DOCK1: variants seen among roughly 807,000 people sequenced by gnomAD.
DOCK1 encodes dedicator of cytokinesis protein 1.
DOCK1 carries 138 observed loss-of-function variants against 262.7 expected under a neutral mutation model. The observed-to-expected ratio is 0.53, with a 90% CI of 0.46 to 0.61. The LOEUF (loss-of-function observed/expected upper bound fraction) is 0.61. DOCK1 is among the 20% of genes least tolerant of loss of function. The probability of loss-of-function intolerance (pLI) is 0.00; values close to 1 mark genes in which losing one functional copy is unlikely to be tolerated. For synonymous variants in DOCK1, 866 were observed against 867.4 expected, an observed-to-expected ratio of 1.00 and a Z score of 0.03; for missense variants, 1,908 against 2,370.7, an observed-to-expected ratio of 0.80 and a Z score of 4.05.
chr10:127,189,732 A>T (rs1017723661), intron 27 of DOCK1, among the ~76,000 whole-genome samples: 13 of 152,240 alleles, frequency 8.5e-5, no homozygotes, highest in African/African-American at 3.1e-4. Context: ...TTAAGTTCAC[A>T]CAGTACGTTT....
chr10:127,198,578 C>T lies in DOCK1; in HGVS notation c.2848-49430C>T, dbSNP rs545132865. On this transcript the variant is annotated intron_variant, in intron 27 of 51. Coordinates refer to ENST00000623213, the MANE Select transcript of DOCK1 (RefSeq NM_001290223.2). ...CTGAGATTCGCATGATGTATAACTC[C>T]AGGAAGAAAATGGAAAGCCGTAATT... is the stretch of plus-strand genomic sequence containing the variant. 2.6e-5 allele frequency among the ~76,000 whole-genome samples: 4 copies of T among 152,276 alleles called. No individual in the cohort carries two copies. In the East Asian group the frequency reaches 7.7e-4, roughly 29 times the overall value.
intron 23 of DOCK1, among the ~76,000 whole-genome samples, chr10:127,085,301 G>T (rs549880715): frequency 6.6e-6 from 1 of 152,294 alleles, no homozygotes; most frequent in African/African-American, 2.4e-5. Flanking sequence ...AATATTCTAG[G>T]CATGGAGCTC....
intron 5 of DOCK1, among the ~76,000 whole-genome samples, chr10:126,989,775 T>G (rs906390242): frequency 5.3e-5 from 8 of 152,228 alleles, no homozygotes; most frequent in African/African-American, 1.7e-4. Flanking sequence ...CTTTGAACCG[T>G]CAATCCCATC....
intron 28 of DOCK1, among the ~76,000 whole-genome samples, chr10:127,254,988 T>C (rs1384718858): frequency 1.3e-5 from 2 of 152,126 alleles, no homozygotes; most frequent in Admixed American, 6.5e-5. Flanking sequence ...TTCTAGTGGG[T>C]GGGCACAGGG....
At chr10:127,152,133 G>A (rs994425472) in intron 27 of DOCK1, among the ~76,000 whole-genome samples, 2 of 152,126 alleles carry the variant, frequency 1.3e-5, no homozygotes, top group Non-Finnish European at 1.5e-5. Flanking sequence ...GTTAAAGACG[G>A]TATGAGCTTT....
intron 29 of DOCK1, among the ~76,000 whole-genome samples, chr10:127,280,009 C>CAT (rs10525314): frequency 0.29 from 33,116 of 113,982 alleles, 4,572 homozygotes; most frequent in Admixed American, 0.32. Flanking sequence ...AATTTTATTT[C>CAT]ATATATATAT....
intron 29 of DOCK1, among the ~76,000 whole-genome samples, chr10:127,262,469 G>T (rs2060208416): frequency 6.6e-6 from 1 of 152,114 alleles, no homozygotes; most frequent in Non-Finnish European, 1.5e-5. Flanking sequence ...GATTGGAGTT[G>T]GTCACTGATA....
chr10:127,004,764 G>GCC (rs1378202180), intron 10 of DOCK1, among the ~76,000 whole-genome samples: 4 of 14,924 alleles, frequency 2.7e-4, no homozygotes, highest in Non-Finnish European at 4.4e-4. Context: ...ACGGCCCCCT[G>GCC]CCCCGCCACC....
At chr10:127,442,815 G>T (rs184824276) in intron 49 of DOCK1, among the ~76,000 whole-genome samples, 1 of 152,218 alleles carries the variant, frequency 6.6e-6, no homozygotes, top group South Asian at 2.1e-4. Flanking sequence ...TGACCGCACG[G>T]ATGTTGCCCC....
At chr10:127,261,715 GTGCATGTGGGTGTGCGTGTGTGTA>G (rs2060135744) in intron 29 of DOCK1, among the ~76,000 whole-genome samples, 7 of 144,654 alleles carry the variant, frequency 4.8e-5, no homozygotes, top group Non-Finnish European at 7.5e-5. Context: ...CTGCATGTGT[GTGCATGTGGGTGTGCGTGTGTGTA>G]CCCGTGCTCA....
chr10:127,156,120 C>T lies in DOCK1; in HGVS notation c.2847+28356C>T, dbSNP rs55785157. On this transcript the variant is annotated intron_variant, in intron 27 of 51. Transcript: ENST00000623213. ...AAGTGTGAATTCTAAGCTTATAGAA[C>T]CTTCCTGCCCTAAACCTCAGGGGAA... Among the ~76,000 whole-genome samples, 906 of 152,344 alleles carry T rather than the reference C, an allele frequency of 5.9e-3. 7 individuals are homozygous for T. Among genetic ancestry groups the T allele is most frequent in the African/African-American group, 0.02 (850 of 41,580 alleles).
intron 27 of DOCK1, among the ~76,000 whole-genome samples, chr10:127,128,593 A>T (rs1019443800): frequency 1.3e-5 from 2 of 151,962 alleles, no homozygotes; most frequent in African/African-American, 4.8e-5. Context: ...CCCTGTGTGC[A>T]TGTATTCTCA....
chr10:127,134,732 CCTT>C (rs945908987), intron 27 of DOCK1, among the ~76,000 whole-genome samples: 78 of 152,270 alleles, frequency 5.1e-4, no homozygotes, highest in African/African-American at 1.6e-3. Context: ...AGAGGAATCC[CCTT>C]CTTCTCCCTG....
intron 1 of DOCK1, among the ~76,000 whole-genome samples, chr10:126,941,686 C>T (rs1024096798): frequency 2.0e-5 from 3 of 152,014 alleles, no homozygotes; most frequent in Non-Finnish European, 2.9e-5. Context: ...ACCCGGGAGG[C>T]GGAGCTTGCA....
chr10:126,941,594 A>G (rs1192533957), intron 1 of DOCK1, among the ~76,000 whole-genome samples: 1 of 152,102 alleles, frequency 6.6e-6, no homozygotes, highest in Non-Finnish European at 1.5e-5. Flanking sequence ...GTCTCTACTA[A>G]AAGTACAAAA....
At chr10:127,028,830 C>T (rs1355105007) in intron 16 of DOCK1, among the ~76,000 whole-genome samples, 1 of 152,092 alleles carries the variant, frequency 6.6e-6, no homozygotes, top group African/African-American at 2.4e-5. Flanking sequence ...GGTGTGTCCT[C>T]GACCAAGGCA....
intron 18 of DOCK1, among the ~76,000 whole-genome samples, chr10:127,033,236 C>T (rs9418804): frequency 0.78 from 117,968 of 152,042 alleles, 46,542 homozygotes; most frequent in South Asian, 0.87. Context: ...CCTACTCGTG[C>T]TGTGGGATAA....
intron 23 of DOCK1, among the ~76,000 whole-genome samples, chr10:127,067,347 C>T (rs2045937627): frequency 6.6e-6 from 1 of 152,188 alleles, no homozygotes; most frequent in South Asian, 2.1e-4. Flanking sequence ...TTACTACCTT[C>T]CCTTAGGATG....
chr10:127,206,617 C>T (rs1328070081), intron 27 of DOCK1, among the ~76,000 whole-genome samples: 1 of 152,174 alleles, frequency 6.6e-6, no homozygotes, highest in Non-Finnish European at 1.5e-5. Flanking sequence ...CCAAAGTCCC[C>T]CTCCACCTCC....
Sources: allele counts gnomAD v4.1 joint callset (sites outside exome capture counted in the v4.1 genomes callset), GRCh38; gene constraint gnomAD v4.1.1; transcripts MANE v1.5; gene names NCBI Gene and HGNC (gene_info 2026-07-23, HGNC 2026-07-21).